PEAK1: variants seen among roughly 807,000 people sequenced by gnomAD.
The protein encoded by PEAK1 is inactive tyrosine-protein kinase PEAK1.
Under a neutral mutation model 124.7 loss-of-function variants are expected in PEAK1, and 54 were observed. The observed-to-expected ratio is 0.43, with a 90% confidence interval of 0.35 to 0.54. The LOEUF is 0.54. PEAK1 is among the 20% of genes least tolerant of loss of function. PEAK1 has a pLI of 0.01. For missense variants in PEAK1, 2,046 were observed against 2,134.5 expected, an observed-to-expected ratio of 0.96 and a Z score of 0.82; for synonymous variants, 719 against 760.0, an observed-to-expected ratio of 0.95 and a Z score of 0.89.
intron 1 of PEAK1, chr15:77,403,482 G>T (rs1261273160): frequency 3.2e-6 from 3 of 942,286 alleles, no homozygotes; most frequent in Non-Finnish European, 3.8e-6. Context: ...TTCCAGTAAA[G>T]AACTTAAATA....
chr15:77,349,664 TAATC>T (rs1293572581), intron 2 of PEAK1: 19 of 984,466 alleles, frequency 1.9e-5, no homozygotes, highest in Middle Eastern at 5.2e-4. Context: ...CAAAATTACT[TAATC>T]AATCCTTTAC....
chr15:77,298,197 A>ATTTTTTTTTTTTTTTT lies in PEAK1; in HGVS notation c.-602-11709_-602-11694dup, dbSNP rs749000554. Among the ~76,000 whole-genome samples, 23 of 37,822 alleles carry ATTTTTTTTTTTTTTTT rather than the reference A, an allele frequency of 6.1e-4. 1 individual carries two copies. The highest frequency in any genetic ancestry group is 1.4e-3 in the South Asian group (1 of 710). 24.8% of individuals were successfully genotyped at this position (37,822 alleles called of 152,430 possible). A position where few individuals can be genotyped will look rare whatever the true frequency, so the allele number is the denominator to read the frequency against. ...TAGCTTCTTTTGTTTGGTATCCTTA[A>ATTTTTTTTTTTTTTTT]TTTTTTTTTTTTTTTTTTTTTTTTT... is the stretch of plus-strand genomic sequence containing the variant. On this transcript the variant is annotated intron_variant, in intron 2 of 9. Transcript: ENST00000682557.
intron 2 of PEAK1, among the ~76,000 whole-genome samples, chr15:77,294,198 G>A (rs561480470): frequency 2.7e-4 from 41 of 152,252 alleles, no homozygotes; most frequent in Middle Eastern, 3.4e-3. Context: ...GACTGGCTTT[G>A]TGCTTTAGCA....
chr15:77,190,549 T>C lies in PEAK1; in HGVS notation c.-114-8509A>G, dbSNP rs183768937. Reference sequence around the variant, plus strand: ...GTAAACACAGGCAGGATCATTGCAATGGCCATATTAACTAAGCACAGCAAT... The same window carrying C: ...GTAAACACAGGCAGGATCATTGCAACGGCCATATTAACTAAGCACAGCAAT... On this transcript the variant is annotated intron_variant, in intron 6 of 9. Transcript: ENST00000682557. 1.6e-4 allele frequency among the ~76,000 whole-genome samples: 24 copies of C among 152,330 alleles called. No homozygotes were observed. In the East Asian group the frequency reaches 2.7e-3, roughly 17 times the overall value.
At chr15:77,297,178 G>A (rs2063527329) in intron 2 of PEAK1, among the ~76,000 whole-genome samples, 2 of 151,968 alleles carry the variant, frequency 1.3e-5, no homozygotes, top group East Asian at 3.9e-4. Flanking sequence ...GCTCCCTGAA[G>A]CAGCTGACTT....
rs1044667248 is a variant in PEAK1, at chr15:77,402,034, A to T, written c.-666+17972T>A. 3 of 745,518 alleles carry T rather than the reference A, an allele frequency of 4.0e-6. No homozygotes were observed. In the African/African-American group the frequency reaches 5.7e-5, roughly 14 times the overall value. 46.2% of individuals were successfully genotyped at this position (745,518 alleles called of 1,614,324 possible). A position where few individuals can be genotyped will look rare whatever the true frequency, so the allele number is the denominator to read the frequency against. On this transcript the variant is annotated intron_variant, in intron 1 of 9. Coordinates refer to ENST00000682557, the MANE Select transcript of PEAK1 (RefSeq NM_001385026.1). ...GCCAACATGGTGAAACCCCAGCTCT[A>T]CTAAAAATACAAAGATTAACTGGGC...
chr15:77,308,024 A>G (rs1269575524), intron 2 of PEAK1, among the ~76,000 whole-genome samples: 1 of 152,120 alleles, frequency 6.6e-6, no homozygotes, highest in African/African-American at 2.4e-5. Context: ...TGTTAGGAAT[A>G]TACTAGCTGC....
chr15:77,129,925 G>T (rs1156821124), intron 9 of PEAK1, among the ~76,000 whole-genome samples: 2 of 152,220 alleles, frequency 1.3e-5, no homozygotes, highest in African/African-American at 4.8e-5. Context: ...GCAAAGACAG[G>T]GTTCACAGAG....
intron 1 of PEAK1, among the ~76,000 whole-genome samples, chr15:77,381,610 GA>G (rs2069488733): frequency 6.6e-6 from 1 of 152,146 alleles, no homozygotes; most frequent in Admixed American, 6.5e-5. Context: ...ACAGAGTGCT[GA>G]AATTCAACCA....
At position 77,158,495 on chromosome 15, in the gene PEAK1, G is replaced by C. The variant is rs199808533; in HGVS notation, c.3331+8C>G. The stretch of plus-strand genomic sequence containing the variant: ...TTTAAATACTACTTATTGGACATTT[G>C]CACTTACCTAAGTTGCTGTATGTTG... On this transcript the variant is annotated splice_region_variant and intron_variant, in intron 8 of 9. Transcript: ENST00000682557. The C allele has an allele frequency of 6.2e-7, 1 of 1,611,718 alleles. No homozygotes were observed. Among genetic ancestry groups the C allele is most frequent in the Middle Eastern group, 1.7e-4 (1 of 6,014 alleles).
intron 6 of PEAK1, among the ~76,000 whole-genome samples, chr15:77,247,233 T>G (rs1475989637): frequency 6.6e-6 from 1 of 152,142 alleles, no homozygotes; most frequent in African/African-American, 2.4e-5. Context: ...TTTCTTTTTT[T>G]GCTTAACTGA....
At chr15:77,373,262 T>C (rs992178376) in intron 1 of PEAK1, among the ~76,000 whole-genome samples, 6 of 152,314 alleles carry the variant, frequency 3.9e-5, no homozygotes, top group Non-Finnish European at 8.8e-5. Context: ...ATCTCCTCCT[T>C]AAACCTGTCT....
At position 77,133,860 on chromosome 15, in the gene PEAK1, A is replaced by G; in HGVS notation, c.3332-110T>C. ...GTGAGGTAGCCATGGGAATGTAAGA[A>G]TAAGTCAACTCTTTAGTTCAAAATG... On this transcript the variant is annotated intron_variant, in intron 8 of 9. Transcript: ENST00000682557. The surrounding 1 kb of genome is among the most constrained non-coding windows in gnomAD (Gnocchi z 4.2). 1 of 1,200,326 alleles carries G rather than the reference A, an allele frequency of 8.3e-7. No homozygotes were observed. The highest frequency in any genetic ancestry group is 1.1e-6 in the Non-Finnish European group (1 of 886,866). The allele number at this position is 1,200,326 out of a possible 1,614,324, so 74.4% of individuals were successfully genotyped here.
chr15:77,276,484 A>G (rs967320362), intron 5 of PEAK1, among the ~76,000 whole-genome samples: 17 of 152,174 alleles, frequency 1.1e-4, no homozygotes, highest in African/African-American at 4.1e-4. Context: ...AGAGTTCTTT[A>G]ACCAGCAAAA....
At chr15:77,285,419 A>T (rs777647797) in intron 3 of PEAK1, among the ~76,000 whole-genome samples, 7 of 152,182 alleles carry the variant, frequency 4.6e-5, no homozygotes, top group Non-Finnish European at 8.8e-5. Context: ...AATGAAAGTA[A>T]ATTCCTTATA....
chr15:77,179,015 T>A lies in PEAK1; in HGVS notation c.2912A>T (p.His971Leu). The A allele has an allele frequency of 5.6e-6, 9 of 1,614,164 alleles. No homozygotes were observed. The highest frequency in any genetic ancestry group is 7.6e-6 in the Non-Finnish European group (9 of 1,180,028). Reference sequence around the variant, plus strand: ...TCCTTTCGCCTCTGTGAACCAGTGATGGCGCTGAACTGGAGGAGGAGGCAG... The same window carrying A: ...TCCTTTCGCCTCTGTGAACCAGTGAAGGCGCTGAACTGGAGGAGGAGGCAG... ...HMLPPPPVQR[H>L]HWFTEAKGES... The change falls in exon 7 of 10, where the codon CAT (histidine) becomes CTT (leucine). Residue 971 changes from histidine (H) to leucine (L), a missense_variant. Coordinates refer to ENST00000682557, the MANE Select transcript of PEAK1 (RefSeq NM_001385026.1).
rs1444345009 is a variant in PEAK1 at position 77,344,772 on chromosome 15, C to T, written c.-603+20391G>A. 3.3e-5 allele frequency among the ~76,000 whole-genome samples: 5 copies of T among 152,256 alleles called. No individual in the cohort carries two copies. In the South Asian group the frequency reaches 8.3e-4, roughly 25 times the overall value. ...TTTCAGTGTTCAGGTCTTCCACCTC[C>T]TTGGTTAATTTATTCATAAGTGTTT... On this transcript the variant is annotated intron_variant, in intron 2 of 9. Coordinates refer to ENST00000682557, the MANE Select transcript of PEAK1 (RefSeq NM_001385026.1).
chr15:77,399,390 G>C (rs1283859708), intron 1 of PEAK1, among the ~76,000 whole-genome samples: 2 of 152,038 alleles, frequency 1.3e-5, no homozygotes, highest in African/African-American at 4.8e-5. Context: ...AACATAACTG[G>C]AGGAATCACA....
intron 2 of PEAK1, among the ~76,000 whole-genome samples, chr15:77,327,002 A>C (rs894298789): frequency 2.6e-5 from 4 of 152,132 alleles, no homozygotes; most frequent in African/African-American, 7.2e-5. Context: ...TTAGCAGCCT[A>C]TGATGTTTGA....
Sources: gnomAD v4.1 joint callset for allele counts (sites outside exome capture counted in the v4.1 genomes callset) on GRCh38, gnomAD v4.1.1 for gene constraint, Gnocchi (gnomAD v3.1) non-coding constraint, MANE v1.5 for transcripts, NCBI Gene and HGNC (gene_info 2026-07-23, HGNC 2026-07-21) for gene names.